The following RFC3 variants were observed in gnomAD, a reference collection of about 807,000 sequenced individuals.
The protein encoded by RFC3 is A1 38 kDa subunit.
RFC3 carries 41 observed loss-of-function variants against 45.1 expected under a neutral mutation model. That is an observed-to-expected ratio of 0.91 (90% CI 0.71 to 1.18). RFC3 has a LOEUF of 1.18. Among genes scored for constraint, RFC3 ranks in the 50% most tolerant of loss-of-function variants. The pLI, the probability that RFC3 is intolerant of heterozygous loss-of-function variation, is 0.00. For synonymous variants in RFC3, 149 were observed against 144.0 expected (o/e 1.03, Z -0.25); for missense variants, 423 against 428.1 (o/e 0.99, Z 0.10).
chr13:33,844,343 T>C (rs2082222216), intron 8 of RFC3, among the ~76,000 whole-genome samples: 1 of 152,210 alleles, frequency 6.6e-6, no homozygotes, highest in Non-Finnish European at 1.5e-5. Context: ...TGAAAAACTC[T>C]AGTGCTCTGC....
At chr13:33,868,171 A>G (rs1157409279) in intron 8 of RFC3, among the ~76,000 whole-genome samples, 1 of 152,216 alleles carries the variant, frequency 6.6e-6, no homozygotes, top group African/African-American at 2.4e-5. Flanking sequence ...AGGTACGAAG[A>G]TAACTGGACC....
At chr13:33,831,580 G>C (rs1014350446) in intron 7 of RFC3, among the ~76,000 whole-genome samples, 3 of 97,276 alleles carry the variant, frequency 3.1e-5, no homozygotes, top group South Asian at 3.4e-4. Flanking sequence ...GCTTACATGT[G>C]ATCATGTAAA....
At chr13:33,903,585 A>G (rs561411080) in intron 8 of RFC3, among the ~76,000 whole-genome samples, 7 of 152,220 alleles carry the variant, frequency 4.6e-5, no homozygotes, top group East Asian at 1.9e-4. Context: ...CAACCACTCT[A>G]TGTACCCCAG....
chr13:33,848,826 TG>T (rs2082257263), intron 8 of RFC3: 1 of 152,186 alleles, frequency 6.6e-6, no homozygotes, highest in Non-Finnish European at 1.5e-5. Flanking sequence ...ATACTCAACA[TG>T]GCAAGTAATT....
At chr13:33,823,852 A>C (rs2082025376) in intron 2 of RFC3, 65 bp from the exon 3 acceptor site, 1 of 829,156 alleles carries the variant, frequency 1.2e-6, no homozygotes, top group African/African-American at 1.8e-5. Context: ...AACCAATGAA[A>C]ATACAAAAGA....
chr13:33,888,946 G>A (rs974766597), intron 8 of RFC3, among the ~76,000 whole-genome samples: 9 of 151,990 alleles, frequency 5.9e-5, no homozygotes, highest in Non-Finnish European at 1.3e-4. Context: ...GGGTTTCACC[G>A]TGTTAGCCAG....
intron 8 of RFC3, among the ~76,000 whole-genome samples, chr13:33,874,420 C>T (rs1279952347): frequency 3.9e-5 from 6 of 152,188 alleles, no homozygotes; most frequent in South Asian, 2.1e-4. Flanking sequence ...CAGGTTCCAG[C>T]GATTCTCCTG....
Position 33,823,926 on chromosome 13 carries a change from A to T in RFC3, c.235A>T (p.Lys79Ter). 8.1e-7 allele frequency: 1 copy of T among 1,241,464 alleles called. No individual in the cohort carries two copies. The highest frequency in any genetic ancestry group is 1.1e-6 in the Non-Finnish European group (1 of 895,804). 76.9% of individuals were successfully genotyped at this position (1,241,464 alleles called of 1,614,324 possible). The change falls in exon 3 of 9, where the codon AAA becomes TAA. Residue 79 changes from lysine (K) to a stop codon, truncating the protein, a stop_gained. Transcript: ENST00000380071. LOFTEE classifies it high-confidence loss of function. ...IEHQTITTPS[K>*]KKIEISTIAS... ...TTTTCTTTGTCCACAGACTCCATCTAAAAAAAAAATTGAAATTAGCACCAT... is the reference window on the plus strand; with the variant it reads ...TTTTCTTTGTCCACAGACTCCATCTTAAAAAAAAATTGAAATTAGCACCAT...
chr13:33,966,666 C>T (rs1458717511), downstream of RFC3: 4 of 153,030 alleles, frequency 2.6e-5, no homozygotes, highest in Non-Finnish European at 4.4e-5. Flanking sequence ...CAAATTACAG[C>T]TTAGGAACTT....
At chr13:33,831,174 A>G (rs1412254448) in intron 6 of RFC3, 82 bp from the exon 7 acceptor site, 4 of 854,648 alleles carry the variant, frequency 4.7e-6, no homozygotes, top group Non-Finnish European at 7.9e-6. Context: ...TCCTAACCGC[A>G]CGGACCAGTG....
At chr13:33,972,951 T>C in the RFC3 span, among the ~76,000 whole-genome samples, 1 of 152,186 alleles carries the variant, frequency 6.6e-6, no homozygotes, top group African/African-American at 2.4e-5. Context: ...ATCGCCACAG[T>C]GATTTCTGGA....
chr13:33,908,516 A>G (rs2149846), intron 8 of RFC3, among the ~76,000 whole-genome samples: 19,140 of 151,362 alleles, frequency 0.13, 2,593 homozygotes, highest in African/African-American at 0.35. Flanking sequence ...ATTGCAGAGA[A>G]GGAGGGCAAT....
At chr13:33,902,168 G>C (rs1007889192) in intron 8 of RFC3, among the ~76,000 whole-genome samples, 1 of 152,050 alleles carries the variant, frequency 6.6e-6, no homozygotes, top group Non-Finnish European at 1.5e-5. Context: ...TATATTTGGA[G>C]GCTGATGGAA....
chr13:33,877,199 C>G (rs960697135), intron 8 of RFC3, among the ~76,000 whole-genome samples: 1 of 152,154 alleles, frequency 6.6e-6, no homozygotes, highest in Non-Finnish European at 1.5e-5. Context: ...AGTGACTTAG[C>G]CAAAGTCACA....
chr13:33,900,712 C>T (rs1320295487), intron 8 of RFC3, among the ~76,000 whole-genome samples: 1 of 151,328 alleles, frequency 6.6e-6, no homozygotes, highest in Admixed American at 6.6e-5. Context: ...AAAGCTTCTG[C>T]ACAACAAAAG....
At chr13:33,821,073 G>T in intron 1 of RFC3, 59 bp from the exon 2 acceptor site, 1 of 1,527,372 alleles carries the variant, frequency 6.5e-7, no homozygotes, top group South Asian at 1.2e-5. Context: ...AAAGTAGTTT[G>T]GTTCTACCTA....
chr13:33,830,192 TA>T (rs1393549297), intron 5 of RFC3, among the ~76,000 whole-genome samples, 175 bp downstream of exon 5: 2 of 152,192 alleles, frequency 1.3e-5, no homozygotes, highest in African/African-American at 4.8e-5. Context: ...CAGATGCCAA[TA>T]TATAGAAAGT....
chr13:33,899,225 A>T lies in RFC3; in HGVS notation c.879+64008A>T, dbSNP rs1315307021. On this transcript the variant is annotated intron_variant, in intron 8 of 8. Transcript: ENST00000434425. ...AAGACAAAAAAAAAAAAAAAAAAAA[A>T]AAAAGAACAAAATTACAGGCCAATA... 1.8e-4 allele frequency among the ~76,000 whole-genome samples: 27 copies of T among 146,068 alleles called. No homozygotes were observed. The East Asian group carries it at 5.4e-3, about 29-fold the overall frequency.
At position 33,955,051 on chromosome 13, in the gene RFC3, T is replaced by C. The variant is rs1231562476; in HGVS notation, c.880-11036T>C. 2.0e-5 allele frequency among the ~76,000 whole-genome samples: 3 copies of C among 152,218 alleles called. No individual in the cohort carries two copies. In the East Asian group the frequency reaches 5.8e-4, roughly 29 times the overall value. On this transcript the variant is annotated intron_variant, in intron 8 of 8. Transcript: ENST00000434425. ...CTATTTCTCATGCAGCCTCTCTACATGGCCGTGTGTGTGGCAAAAACTCTA... is the reference window on the plus strand; with the variant it reads ...CTATTTCTCATGCAGCCTCTCTACACGGCCGTGTGTGTGGCAAAAACTCTA...
Sources: gnomAD v4.1 joint callset for allele counts (sites outside exome capture counted in the v4.1 genomes callset) on GRCh38, gnomAD v4.1.1 for gene constraint, MANE v1.5 for transcripts, NCBI Gene and HGNC (gene_info 2026-07-23, HGNC 2026-07-21) for gene names.